The following SPACA3 variants were observed in gnomAD, a reference collection of about 807,000 sequenced individuals.
The protein encoded by SPACA3 is sperm acrosome associated 3.
SPACA3 carries 21 observed loss-of-function variants against 24.5 expected under a neutral mutation model. That is an observed-to-expected ratio of 0.86 (90% CI 0.61 to 1.24). The LOEUF (loss-of-function observed/expected upper bound fraction) is 1.24, where lower values mean the gene tolerates loss of function less well. Among genes scored for constraint, SPACA3 ranks in the 50% most tolerant of loss-of-function variants. The pLI is 0.00. For synonymous variants in SPACA3, 115 were observed against 106.9 expected, an observed-to-expected ratio of 1.08 and a Z score of -0.47; for missense variants, 278 against 275.5, an observed-to-expected ratio of 1.01 and a Z score of -0.06.
intron 1 of SPACA3, among the ~76,000 whole-genome samples, chr17:32,992,620 G>A (rs1161880725): frequency 1.3e-5 from 2 of 152,248 alleles, no homozygotes; most frequent in Non-Finnish European, 2.9e-5. Context: ...AAGATCGGGT[G>A]TGTGAGAGTG....
chr17:32,994,765 C>A (rs3025280), intron 1 of SPACA3, among the ~76,000 whole-genome samples: 3 of 152,114 alleles, frequency 2.0e-5, no homozygotes, highest in Non-Finnish European at 4.4e-5. Flanking sequence ...TGCTGTGACA[C>A]CCAGGTGCTA....
Position 32,995,531 on chromosome 17 carries a change from A to C in SPACA3, c.157A>C (p.Ile53Leu). ...SGGGSTSAAGIEARSRALRRR... is the reference protein window; with the variant it reads ...SGGGSTSAAGLEARSRALRRR... ...TGGTGGCTCCACCTCTGCCGCCGGC[A>C]TAGAAGCCAGGAGCAGGGCTCTCAG... is the stretch of plus-strand genomic sequence containing the variant. The change falls in exon 2 of 5, where the codon ATA (isoleucine) becomes CTA (leucine). Residue 53 changes from isoleucine (I) to leucine (L), a missense_variant. Coordinates refer to ENST00000269053, the MANE Select transcript of SPACA3 (RefSeq NM_173847.5). 2 of 1,614,216 alleles carry C rather than the reference A, an allele frequency of 1.2e-6. No individual in the cohort carries two copies. The highest frequency in any genetic ancestry group is 1.7e-6 in the Non-Finnish European group (2 of 1,180,032).
chr17:32,992,862 G>C (rs1189088507), intron 1 of SPACA3: 1 of 470,524 alleles, frequency 2.1e-6, no homozygotes, highest in East Asian at 6.9e-5. Context: ...GACCTCGAAG[G>C]GGCAGTTATG....
intron 2 of SPACA3, 49 bp from the exon 3 acceptor site, chr17:32,996,794 G>A (rs761853077): frequency 9.6e-6 from 14 of 1,457,146 alleles, no homozygotes; most frequent in East Asian, 2.6e-5. Context: ...CCCTGGTCTG[G>A]GGTGGCTGTA....
At chr17:32,997,334 TGTGTGTGTGTAG>T in intron 3 of SPACA3, 99 bp from the exon 4 acceptor site, 1 of 784,868 alleles carries the variant, frequency 1.3e-6, no homozygotes, top group Non-Finnish European at 2.1e-6. Flanking sequence ...TGTGTGTGTG[TGTGTGTGTGTAG>T]AGAGAGAGAG....
At chr17:32,997,562 G>C in intron 4 of SPACA3, 39 bp downstream of exon 4, 4 of 1,588,536 alleles carry the variant, frequency 2.5e-6, no homozygotes, top group Non-Finnish European at 3.5e-6. Context: ...CGGTGGTATG[G>C]TTAGGACTGG....
intron 1 of SPACA3, among the ~76,000 whole-genome samples, chr17:32,993,768 G>T (rs188682297): frequency 3.9e-5 from 6 of 152,144 alleles, no homozygotes; most frequent in Admixed American, 3.9e-4. Flanking sequence ...AGACTTGAGG[G>T]AAGGCATTTA....
In SPACA3 at chr17:32,997,456, C is replaced by T. The variant is rs750985279; in HGVS notation, c.514C>T (p.Pro172Ser). The T allele has an allele frequency of 2.5e-6, 4 of 1,613,796 alleles. No homozygotes were observed. ...GCCTATCACCCCAGATTTGTTGAATCCTAATCTCAAGGATACCGTTATCTG... is the reference window on the plus strand; with the variant it reads ...GCCTATCACCCCAGATTTGTTGAATTCTAATCTCAAGGATACCGTTATCTG... ...CRMYCSDLLN[P>S]NLKDTVICAM... Residue 172 changes from proline (P) to serine (S), a missense_variant, in exon 4 of 5, where the codon CCT becomes TCT. By Grantham distance (74) the Pro-to-Ser change is moderately conservative. Transcript: ENST00000269053.
At chr17:32,992,030 C>A in intron 1 of SPACA3, 58 bp downstream of exon 1, 1 of 1,591,282 alleles carries the variant, frequency 6.3e-7, no homozygotes. Flanking sequence ...GTTGGTCTGG[C>A]CAGAGACCAG....
In SPACA3 at chr17:32,996,706, T is replaced by TG. The variant is rs201020245; in HGVS notation, c.344-134dup. 9.7e-4 allele frequency: 751 copies of TG among 777,408 alleles called. 8 individuals are homozygous for TG. The African/African-American group carries it at 0.038, about 39-fold the overall frequency. The allele number at this position is 777,408 out of a possible 1,614,324, so 48.2% of individuals were successfully genotyped here. On this transcript the variant is annotated intron_variant, in intron 2 of 4. Transcript: ENST00000269053. ...TCGATTGATTGGTTTGCAAAGCAGG[T>TG]GGGAGGCACCTGCCCCAATCACCTT...
chr17:32,994,105 G>A (rs572044243), intron 1 of SPACA3, among the ~76,000 whole-genome samples: 1 of 152,248 alleles, frequency 6.6e-6, no homozygotes, highest in African/African-American at 2.4e-5. Flanking sequence ...GAGCCAAGGG[G>A]TGGGACAGCG....
chr17:32,997,373 A>ACACT, intron 3 of SPACA3, 72 bp from the exon 4 acceptor site: 1 of 1,154,032 alleles, frequency 8.7e-7, no homozygotes, highest in South Asian at 1.3e-5. Flanking sequence ...AGACAGATAC[A>ACACT]CACTCACACA....
At position 32,991,906 on chromosome 17, in the gene SPACA3, T is replaced by C. The variant is rs746384324; in HGVS notation, c.-33T>C. 3 of 1,612,006 alleles carry C rather than the reference T, an allele frequency of 1.9e-6. No individual in the cohort carries two copies. Among genetic ancestry groups the C allele is most frequent in the Non-Finnish European group, 2.5e-6 (3 of 1,179,226 alleles). On this transcript the variant is annotated 5_prime_UTR_variant, in exon 1 of 5. Transcript: ENST00000269053. ...GGGGACATCTTGAGCTGAAGCAGGG[T>C]TTTGAGCCACTGCTGCTGCTGCCAT...
At chr17:32,993,674 A>T (rs2091704937) in intron 1 of SPACA3, among the ~76,000 whole-genome samples, 1 of 123,036 alleles carries the variant, frequency 8.1e-6, no homozygotes, top group Admixed American at 7.5e-5. Context: ...GTTGGAAAAC[A>T]AGCGGGAGGG....
In SPACA3 at chr17:32,997,777, A is replaced by G. The variant is rs766845906; in HGVS notation, c.647A>G (p.Ter216TrpextTer27). The G allele has an allele frequency of 1.9e-6, 3 of 1,614,180 alleles. No individual in the cohort carries two copies. The highest frequency in any genetic ancestry group is 2.5e-6 in the Non-Finnish European group (3 of 1,180,020). Residue 216 changes from the stop codon to tryptophan (W), a stop_lost, in exon 5 of 5, where the codon TAG becomes TGG. Coordinates refer to ENST00000269053, the MANE Select transcript of SPACA3 (RefSeq NM_173847.5). Reference sequence around the variant, plus strand: ...GAATGGGTGGATGGCTGTGACTTCTAGGATGGACGGAACCATGCACAGCAG... The same window carrying G: ...GAATGGGTGGATGGCTGTGACTTCTGGGATGGACGGAACCATGCACAGCAG... ...LTEWVDGCDF[*>W]
Position 32,996,905 on chromosome 17 carries a change from G to A in SPACA3, c.406G>A (p.Gly136Arg). The change falls in exon 3 of 5, where the codon GGG (glycine) becomes AGG (arginine). Residue 136 changes from glycine to arginine, a missense_variant. Physicochemically the swap from Gly to Arg is moderately radical, Grantham distance 125. Coordinates refer to ENST00000269053, the MANE Select transcript of SPACA3 (RefSeq NM_173847.5). ...NAAALDYEAD[G>R]STNNGIFQIN... ...AGCTGCTTTGGACTACGAGGCTGATGGGAGCACCAACAACGGGATCTTCCA... is the reference window on the plus strand; with the variant it reads ...AGCTGCTTTGGACTACGAGGCTGATAGGAGCACCAACAACGGGATCTTCCA... 6.2e-7 allele frequency: 1 copy of A among 1,610,844 alleles called. No individual in the cohort carries two copies. The highest frequency in any genetic ancestry group is 8.5e-7 in the Non-Finnish European group (1 of 1,178,658).
chr17:32,993,847 G>T (rs1043899920), intron 1 of SPACA3, among the ~76,000 whole-genome samples: 6 of 152,030 alleles, frequency 3.9e-5, no homozygotes, highest in Admixed American at 3.9e-4. Context: ...GTGCTAGCGC[G>T]CCGGGAGAGG....
rs1196827388 is a variant in SPACA3 at position 32,995,596 on chromosome 17, G to A, written c.222G>A (p.Leu74=). 6 of 1,614,210 alleles carry A rather than the reference G, an allele frequency of 3.7e-6. No homozygotes were observed. The highest frequency in any genetic ancestry group is 5.1e-6 in the Non-Finnish European group (6 of 1,180,032). Residue 74 remains leucine (L), a synonymous_variant, in exon 2 of 5, where the codon CTG becomes CTA. Coordinates refer to ENST00000269053, the MANE Select transcript of SPACA3 (RefSeq NM_173847.5). ...CAGCTGGGATCATGTTGTTGGCCCT[G>A]GTCTGTCTGCTCAGCTGCCTGCTAC... is the stretch of plus-strand genomic sequence containing the variant. ...WCPAGIMLLA[L]VCLLSCLLPS... is the part of the protein sequence containing the mutation.
intron 3 of SPACA3, 108 bp from the exon 4 acceptor site, chr17:32,997,337 G>GTC: frequency 2.5e-6 from 2 of 794,334 alleles, no homozygotes; most frequent in South Asian, 3.3e-5. Flanking sequence ...GTGTGTGTGT[G>GTC]TGTGTGTAGA....
Sources: allele counts gnomAD v4.1 joint callset (sites outside exome capture counted in the v4.1 genomes callset), GRCh38; gene constraint gnomAD v4.1.1; transcripts MANE v1.5; gene names NCBI Gene and HGNC (gene_info 2026-07-23, HGNC 2026-07-21).